The following MCF2L2 variants were observed in gnomAD, a reference collection of about 807,000 sequenced individuals.
MCF2L2 encodes the protein probable guanine nucleotide exchange factor MCF2L2.
In MCF2L2, 102 loss-of-function variants were observed where a neutral mutation model predicts 150.2. The observed-to-expected ratio is 0.68, with a 90% CI of 0.58 to 0.80. The LOEUF (loss-of-function observed/expected upper bound fraction) is 0.80. Ranked by LOEUF, MCF2L2 falls within the 30% of genes least tolerant of loss-of-function variation. MCF2L2 has a pLI of 0.00. For missense variants in MCF2L2, 1,256 were observed against 1,372.8 expected (o/e 0.91, Z 1.34); for synonymous variants, 465 against 491.3 (o/e 0.95, Z 0.71).
At chr3:183,190,912 T>G (rs940945796) in intron 27 of MCF2L2, among the ~76,000 whole-genome samples, 3 of 152,048 alleles carry the variant, frequency 2.0e-5, no homozygotes, top group Non-Finnish European at 2.9e-5. Flanking sequence ...TGAGAAGGAG[T>G]TTCGCCCTTG....
chr3:183,389,607 T>C, intron 2 of MCF2L2, 89 bp downstream of exon 2: 2 of 1,110,232 alleles, frequency 1.8e-6, no homozygotes, highest in Non-Finnish European at 1.4e-6. Flanking sequence ...GAGATTTGAG[T>C]ATAACATTCC....
chr3:183,290,917 C>T (rs1226608103), intron 13 of MCF2L2, among the ~76,000 whole-genome samples: 1 of 152,170 alleles, frequency 6.6e-6, no homozygotes, highest in Non-Finnish European at 1.5e-5. Context: ...CTATGGTAGA[C>T]TTGATGGAGG....
At position 183,267,621 on chromosome 3, in the gene MCF2L2, G is replaced by A. The variant is rs545457846; in HGVS notation, c.1862+9251C>T. On this transcript the variant is annotated intron_variant, in intron 15 of 29. Transcript: ENST00000328913. This position sits in a 1 kb window ranked among gnomAD's most constrained non-coding sequence, Gnocchi z 5.5. ...GCTCAGCCTACACGGCTCTCTCCCC[G>A]TCAGTCCTGTCCAAAGCCCAGGAAA... Among the ~76,000 whole-genome samples, 85 of 152,318 alleles carry A rather than the reference G, an allele frequency of 5.6e-4. No individual in the cohort carries two copies. The highest frequency in any genetic ancestry group is 1.0e-3 in the Non-Finnish European group (68 of 68,024).
chr3:183,228,437 A>C, intron 17 of MCF2L2, 71 bp from the exon 18 acceptor site: 1 of 1,071,598 alleles, frequency 9.3e-7, no homozygotes, highest in Non-Finnish European at 1.4e-6. Flanking sequence ...TTTTAAGTAC[A>C]ATCACATAAG....
At position 183,311,044 on chromosome 3, in the gene MCF2L2, T is replaced by C; in HGVS notation, c.879-15A>G. ...GAACTAATAACCTTTCAAGAAAGAA[T>C]GAGAAAGTGATGTTAGGTTAGCATT... On this transcript the variant is annotated splice_polypyrimidine_tract_variant and intron_variant, in intron 8 of 29. Coordinates refer to ENST00000328913, the MANE Select transcript of MCF2L2 (RefSeq NM_015078.4). The C allele has an allele frequency of 1.3e-6, 2 of 1,506,326 alleles. No homozygotes were observed. The highest frequency in any genetic ancestry group is 1.8e-6 in the Non-Finnish European group (2 of 1,082,366). 93.3% of individuals were successfully genotyped at this position (1,506,326 alleles called of 1,614,324 possible). A position where few individuals can be genotyped will look rare whatever the true frequency, so the allele number is the denominator to read the frequency against.
At chr3:183,398,829 T>G (rs1714597932) in intron 1 of MCF2L2, among the ~76,000 whole-genome samples, 1 of 152,188 alleles carries the variant, frequency 6.6e-6, no homozygotes, top group African/African-American at 2.4e-5. Flanking sequence ...TACTCAACTT[T>G]CACTGTTGTC....
At chr3:183,235,466 T>C (rs1224566450) in intron 15 of MCF2L2, among the ~76,000 whole-genome samples, 14 of 73,270 alleles carry the variant, frequency 1.9e-4, no homozygotes, top group Admixed American at 1.8e-3. Flanking sequence ...GAGCATTTCT[T>C]CATGTGTTTT....
chr3:183,208,275 C>T (rs1722570671), intron 22 of MCF2L2, among the ~76,000 whole-genome samples: 2 of 152,154 alleles, frequency 1.3e-5, no homozygotes, highest in African/African-American at 4.8e-5. Flanking sequence ...CATCTGCATC[C>T]TAACTTCTGC....
chr3:183,254,493 C>T (rs1724844437), intron 15 of MCF2L2: 1 of 152,238 alleles, frequency 6.6e-6, no homozygotes, highest in East Asian at 1.9e-4. Context: ...GGCCGCCGCC[C>T]AGGTGCGGCA....
At position 183,251,553 on chromosome 3, in the gene MCF2L2, C is replaced by G. The variant is rs536426219; in HGVS notation, c.1863-20536G>C. ...CATGTATAGATCTAATCACAGGGCT[C>G]TCTGCTTACCAGCTGCTACTTGGAT... On this transcript the variant is annotated intron_variant, in intron 15 of 29. Transcript: ENST00000328913. Among the ~76,000 whole-genome samples, 3 of 152,172 alleles carry G rather than the reference C, an allele frequency of 2.0e-5. No homozygotes were observed. The South Asian group carries it at 6.2e-4, about 31-fold the overall frequency.
chr3:183,282,061 C>G (rs1220062664), intron 14 of MCF2L2, among the ~76,000 whole-genome samples: 2 of 151,800 alleles, frequency 1.3e-5, no homozygotes, highest in African/African-American at 4.8e-5. Flanking sequence ...GCCACCACCC[C>G]CAGCCTCAGG....
chr3:183,254,615 G>A (rs1424439906), intron 15 of MCF2L2: 1 of 152,184 alleles, frequency 6.6e-6, no homozygotes, highest in Non-Finnish European at 1.5e-5. Context: ...GTGCGCGGGA[G>A]CCGCGAGGCG....
chr3:183,326,511 A>AAAAAAC (rs1387454828), intron 5 of MCF2L2, among the ~76,000 whole-genome samples: 1 of 134,804 alleles, frequency 7.4e-6, no homozygotes, highest in Non-Finnish European at 1.6e-5. Flanking sequence ...AAAAAAAAAA[A>AAAAAAC]AAAAACAAAA....
At chr3:183,215,837 T>A (rs1207207425) in intron 22 of MCF2L2, 132 bp downstream of exon 22, 1 of 1,101,884 alleles carries the variant, frequency 9.1e-7, no homozygotes, top group African/African-American at 1.6e-5. Flanking sequence ...ACTGAGCAAT[T>A]TAGGCGACTG....
chr3:183,207,461 C>T (rs372436573), intron 23 of MCF2L2, 147 bp downstream of exon 23: 5 of 646,658 alleles, frequency 7.7e-6, no homozygotes, highest in East Asian at 2.7e-5. Flanking sequence ...CAGACAGACC[C>T]GGCTATGGAT....
rs531882199 is a variant in MCF2L2 at position 183,327,252 on chromosome 3, G to A, written c.487-3901C>T. Among the ~76,000 whole-genome samples the A allele has an allele frequency of 9.2e-5, 14 of 152,244 alleles. 1 individual carries two copies. Among genetic ancestry groups the A allele is most frequent in the African/African-American group, 2.9e-4 (12 of 41,540 alleles). On this transcript the variant is annotated intron_variant, in intron 5 of 29. Coordinates refer to ENST00000328913, the MANE Select transcript of MCF2L2 (RefSeq NM_015078.4). ...AGGCAGGAGAATCGCTTGAACCTGG[G>A]AGGCAGAGGTTGCAGTGAGCCGAGA...
intron 21 of MCF2L2, among the ~76,000 whole-genome samples, chr3:183,217,086 G>A (rs928486261): frequency 1.3e-5 from 2 of 151,396 alleles, no homozygotes; most frequent in Non-Finnish European, 2.9e-5. Flanking sequence ...TTGAGGTCAG[G>A]AGTTTGAGCC....
intron 1 of MCF2L2, among the ~76,000 whole-genome samples, chr3:183,412,287 GT>G (rs984797148): frequency 1.4e-5 from 2 of 144,124 alleles, no homozygotes; most frequent in Non-Finnish European, 1.5e-5. Flanking sequence ...TTGTTTGTTT[GT>G]TTGTTGTTGT....
intron 1 of MCF2L2, among the ~76,000 whole-genome samples, chr3:183,420,038 A>G (rs1451352322): frequency 3.3e-5 from 5 of 152,194 alleles, no homozygotes; most frequent in African/African-American, 9.7e-5. Context: ...CCAGTTCCCA[A>G]TAAGTTCCTC....
Sources: gnomAD v4.1 joint callset for allele counts (sites outside exome capture counted in the v4.1 genomes callset) on GRCh38, gnomAD v4.1.1 for gene constraint, Gnocchi (gnomAD v3.1) non-coding constraint, MANE v1.5 for transcripts, NCBI Gene and HGNC (gene_info 2026-07-23, HGNC 2026-07-21) for gene names.